ZNF532: variants seen among roughly 807,000 people sequenced by gnomAD.
ZNF532 encodes the protein zinc finger protein 532.
ZNF532 carries 22 observed loss-of-function variants against 89.3 expected under a neutral mutation model. The ratio of observed to expected loss-of-function variants is 0.25; its 90% CI spans 0.18 to 0.35. The LOEUF is 0.35. Among genes scored for constraint, ZNF532 ranks in the 10% least tolerant of loss-of-function variants. The probability of loss-of-function intolerance (pLI) is 1.00; values close to 1 mark genes in which losing one functional copy is unlikely to be tolerated. For missense variants in ZNF532, 1,132 were observed against 1,643.4 expected, an observed-to-expected ratio of 0.69 and a Z score of 5.38; for synonymous variants, 606 against 649.6, an observed-to-expected ratio of 0.93 and a Z score of 1.02.
intron 2 of ZNF532, among the ~76,000 whole-genome samples, chr18:58,891,044 G>A (rs140347901): frequency 1.3e-5 from 2 of 152,066 alleles, no homozygotes; most frequent in East Asian, 1.9e-4. Flanking sequence ...TCAGCCTCCC[G>A]AGTAGCTAGG....
rs561013313 is a variant in ZNF532, at chr18:58,932,856, G to A, written c.2347-1577G>A. On this transcript the variant is annotated intron_variant, in intron 3 of 9. Coordinates refer to ENST00000591808, the MANE Select transcript of ZNF532 (RefSeq NM_001375912.1). ...TGTATATACACACACATGCATGTAC[G>A]TGTGTATGTATATATGTATGTATGT... Among the ~76,000 whole-genome samples the A allele has an allele frequency of 4.4e-4, 67 of 152,128 alleles. 1 individual carries two copies. Among genetic ancestry groups the A allele is most frequent in the Non-Finnish European group, 8.5e-4 (58 of 67,998 alleles).
chr18:58,892,832 T>C (rs2058993256), intron 2 of ZNF532, among the ~76,000 whole-genome samples: 1 of 152,152 alleles, frequency 6.6e-6, no homozygotes, highest in South Asian at 2.1e-4. Context: ...GAGAATTCAG[T>C]TTTCTGCTGC....
At chr18:58,879,747 G>A (rs529464989) in intron 2 of ZNF532, among the ~76,000 whole-genome samples, 1 of 152,122 alleles carries the variant, frequency 6.6e-6, no homozygotes, top group South Asian at 2.1e-4. Flanking sequence ...AAACAACACT[G>A]TTGGCCAACG....
At chr18:58,932,531 A>G (rs1169324542) in intron 3 of ZNF532, 1 of 152,162 alleles carries the variant, frequency 6.6e-6, no homozygotes, top group African/African-American at 2.4e-5. Flanking sequence ...GCATTCAGGT[A>G]TATTTGCTAA....
chr18:58,976,251 A>G (rs1410816119), intron 7 of ZNF532, among the ~76,000 whole-genome samples: 1 of 152,236 alleles, frequency 6.6e-6, no homozygotes, highest in East Asian at 1.9e-4. Flanking sequence ...ATGCTGAAAC[A>G]GAAGGATGTC....
chr18:58,881,460 G>A (rs1447305113), intron 2 of ZNF532, among the ~76,000 whole-genome samples: 1 of 152,132 alleles, frequency 6.6e-6, no homozygotes, highest in African/African-American at 2.4e-5. Flanking sequence ...GACCTTGCTG[G>A]GTTGTGTGTC....
At chr18:58,933,363 A>G (rs2062114304) in intron 3 of ZNF532, among the ~76,000 whole-genome samples, 1 of 152,150 alleles carries the variant, frequency 6.6e-6, no homozygotes, top group South Asian at 2.1e-4. Flanking sequence ...TTTAAACCTT[A>G]ATTTTTGGGC....
intron 7 of ZNF532, among the ~76,000 whole-genome samples, chr18:58,970,611 G>A (rs6567038): frequency 0.25 from 38,631 of 152,230 alleles, 6,713 homozygotes; most frequent in East Asian, 0.57. Flanking sequence ...CAGGGCGTCA[G>A]TCATTGTGAA....
chr18:58,898,934 A>G (rs911710487), intron 2 of ZNF532, among the ~76,000 whole-genome samples: 1 of 152,254 alleles, frequency 6.6e-6, no homozygotes, highest in African/African-American at 2.4e-5. Flanking sequence ...GAATGAAACA[A>G]AAGTTTCCCA....
intron 7 of ZNF532, among the ~76,000 whole-genome samples, chr18:58,957,088 A>G (rs922861969): frequency 2.0e-5 from 3 of 152,238 alleles, no homozygotes; most frequent in African/African-American, 7.2e-5. Context: ...GTACATATTT[A>G]GTGATCTTCC....
chr18:58,953,441 A>C (rs1035561866), intron 6 of ZNF532, 77 bp from the exon 7 acceptor site: 7 of 1,288,096 alleles, frequency 5.4e-6, no homozygotes, highest in Non-Finnish European at 7.6e-6. Flanking sequence ...TGTGTACCAC[A>C]TGTTAAGATA....
At chr18:58,894,510 G>A (rs543757843) in intron 2 of ZNF532, among the ~76,000 whole-genome samples, 2 of 151,828 alleles carry the variant, frequency 1.3e-5, no homozygotes, top group East Asian at 3.9e-4. Flanking sequence ...CTTGGTCTAG[G>A]AAGAGTTTAA....
Position 58,979,168 on chromosome 18 carries a change from G to GTAAGTCCTGGTTTCTA in ZNF532, c.3263+2_3263+17dup. On this transcript the variant is annotated splice_donor_variant, in intron 8 of 9. Coordinates refer to ENST00000591808, the MANE Select transcript of ZNF532 (RefSeq NM_001375912.1). LOFTEE classifies it high-confidence loss of function. ...GCATCAGGAAAGTGTACGCCTGCTC[G>GTAAGTCCTGGTTTCTA]TAAGTCCTGGTTTCTAACGGAACGC... 3.1e-6 allele frequency: 5 copies of GTAAGTCCTGGTTTCTA among 1,607,618 alleles called. No individual in the cohort carries two copies. The highest frequency in any genetic ancestry group is 2.6e-6 in the Non-Finnish European group (3 of 1,174,790).
At chr18:58,899,112 C>G (rs535492073) in intron 2 of ZNF532, among the ~76,000 whole-genome samples, 46 of 152,356 alleles carry the variant, frequency 3.0e-4, no homozygotes, top group African/African-American at 1.0e-3. Flanking sequence ...AAATAGAGTC[C>G]GGACACAGCG....
chr18:58,915,355 C>T (rs571266931), intron 2 of ZNF532, among the ~76,000 whole-genome samples: 84 of 152,336 alleles, frequency 5.5e-4, no homozygotes, highest in African/African-American at 2.0e-3. Context: ...TCACTCTGAC[C>T]TCTTACCACG....
chr18:58,929,655 A>G (rs2061791527), intron 3 of ZNF532, among the ~76,000 whole-genome samples: 1 of 152,230 alleles, frequency 6.6e-6, no homozygotes. Flanking sequence ...TGTTGGCCAT[A>G]TAGCTTTCTG....
intron 7 of ZNF532, among the ~76,000 whole-genome samples, chr18:58,976,119 A>T (rs2067019616): frequency 6.6e-6 from 1 of 152,338 alleles, no homozygotes; most frequent in Non-Finnish European, 1.5e-5. Flanking sequence ...TCTGTTAGGT[A>T]ATGTGACCAG....
intron 2 of ZNF532, among the ~76,000 whole-genome samples, chr18:58,873,269 T>G (rs1038796574): frequency 6.6e-6 from 1 of 152,058 alleles, no homozygotes; most frequent in African/African-American, 2.4e-5. Flanking sequence ...TGATCTGCCT[T>G]CCTTGACCTC....
At position 58,965,943 on chromosome 18, in the gene ZNF532, G is replaced by GT. The variant is rs202222250; in HGVS notation, c.3150+12146dup. 1.4e-4 allele frequency among the ~76,000 whole-genome samples: 21 copies of GT among 152,294 alleles called. No individual in the cohort carries two copies. In the East Asian group the frequency reaches 3.9e-3, roughly 28 times the overall value. On this transcript the variant is annotated intron_variant, in intron 7 of 9. Coordinates refer to ENST00000591808, the MANE Select transcript of ZNF532 (RefSeq NM_001375912.1). Reference sequence around the variant, plus strand: ...GAGAGGCCCTTTCTTGACTCCAGGAGTTATCTTAAAGCAGAGGCTCTCGAG... The same window carrying GT: ...GAGAGGCCCTTTCTTGACTCCAGGAGTTTATCTTAAAGCAGAGGCTCTCGAG...
Sources: gnomAD v4.1 joint callset for allele counts (sites outside exome capture counted in the v4.1 genomes callset) on GRCh38, gnomAD v4.1.1 for gene constraint, MANE v1.5 for transcripts, NCBI Gene and HGNC (gene_info 2026-07-23, HGNC 2026-07-21) for gene names.